Variants in SGCZ observed in about 807,000 individuals in gnomAD.
SGCZ encodes the protein sarcoglycan zeta.
Under a neutral mutation model 41.3 loss-of-function variants are expected in SGCZ, and 40 were observed. The ratio of observed to expected loss-of-function variants is 0.97; its 90% CI spans 0.75 to 1.26. The LOEUF is 1.26. Ranked by LOEUF, SGCZ falls within the 50% of genes most tolerant of loss-of-function variation. The probability of loss-of-function intolerance (pLI) is 0.00; values close to 1 mark genes in which losing one functional copy is unlikely to be tolerated. For synonymous variants in SGCZ, 206 were observed against 137.5 expected, an observed-to-expected ratio of 1.50 and a Z score of -3.49; for missense variants, 552 against 369.8, an observed-to-expected ratio of 1.49 and a Z score of -4.04.
At chr8:14,263,226 G>A (rs1413932111) in intron 3 of SGCZ, among the ~76,000 whole-genome samples, 3 of 152,146 alleles carry the variant, frequency 2.0e-5, no homozygotes, top group Non-Finnish European at 2.9e-5. Context: ...TAAAAATGAA[G>A]CAGGACACAG....
Position 14,872,591 on chromosome 8 carries a change from T to A in SGCZ, c.40-317665A>T, listed in dbSNP as rs1435028687. 3.3e-5 allele frequency among the ~76,000 whole-genome samples: 5 copies of A among 152,058 alleles called. No homozygotes were observed. The East Asian group carries it at 9.7e-4, about 30-fold the overall frequency. On this transcript the variant is annotated intron_variant, in intron 1 of 7. Transcript: ENST00000382080. ...TTATGAGCAGAATGCAATTTAAAAA[T>A]TGATAGGAAGTTCTTTAAACCACAC...
intron 2 of SGCZ, among the ~76,000 whole-genome samples, chr8:14,369,021 ATGTGTGTGTGTGTGTGTGTG>A (rs10655274): frequency 2.1e-5 from 3 of 145,418 alleles, no homozygotes; most frequent in Non-Finnish European, 1.5e-5. Flanking sequence ...GCAAATGTAA[ATGTGTGTGTGTGTGTGTGTG>A]TGTGTGTGTG....
chr8:14,607,837 T>A (rs1805801831), intron 1 of SGCZ, among the ~76,000 whole-genome samples: 1 of 152,188 alleles, frequency 6.6e-6, no homozygotes, highest in Admixed American at 6.5e-5. Flanking sequence ...CAGTGTAATC[T>A]CATTAATATA....
intron 2 of SGCZ, among the ~76,000 whole-genome samples, chr8:14,498,479 T>C (rs980614516): frequency 2.0e-5 from 3 of 152,080 alleles, no homozygotes; most frequent in African/African-American, 7.2e-5. Flanking sequence ...ACAGAAAACA[T>C]TATTTTTGCT....
At chr8:14,892,762 T>A (rs1805061086) in intron 1 of SGCZ, among the ~76,000 whole-genome samples, 1 of 152,138 alleles carries the variant, frequency 6.6e-6, no homozygotes, top group Non-Finnish European at 1.5e-5. Context: ...ATTAAATAAT[T>A]AATTTCCATG....
chr8:14,117,371 T>G (rs1802554521), intron 5 of SGCZ, among the ~76,000 whole-genome samples: 1 of 132,992 alleles, frequency 7.5e-6, no homozygotes, highest in African/African-American at 2.7e-5. Context: ...TTTTTTTTTT[T>G]GAGAAAGCTT....
chr8:14,520,529 G>C (rs1414842776), intron 2 of SGCZ, among the ~76,000 whole-genome samples: 3 of 151,908 alleles, frequency 2.0e-5, no homozygotes, highest in Non-Finnish European at 4.4e-5. Flanking sequence ...ATTCTGCAAG[G>C]GAAATAATAT....
Position 14,580,226 on chromosome 8 carries a change from A to T in SGCZ, c.40-25300T>A, listed in dbSNP as rs1379288223. Among the ~76,000 whole-genome samples the T allele has an allele frequency of 4.6e-5, 7 of 152,340 alleles. No individual in the cohort carries two copies. The East Asian group carries it at 1.2e-3, about 25-fold the overall frequency. On this transcript the variant is annotated intron_variant, in intron 1 of 7. Transcript: ENST00000382080. ...CAGTAGAACAGGAATACACAGAGCT[A>T]TTACTTTTGAAACTAGGAATCTTAG...
At chr8:14,173,378 G>C (rs1027466677) in intron 4 of SGCZ, among the ~76,000 whole-genome samples, 3 of 151,936 alleles carry the variant, frequency 2.0e-5, no homozygotes, top group South Asian at 2.1e-4. Context: ...ATGAACAGAA[G>C]ATGAATCCTA....
chr8:15,010,335 T>G (rs79933861), intron 1 of SGCZ, among the ~76,000 whole-genome samples: 1 of 152,222 alleles, frequency 6.6e-6, no homozygotes, highest in Non-Finnish European at 1.5e-5. Flanking sequence ...ACAAAAGATA[T>G]AATTCTACCT....
chr8:14,808,210 C>G (rs1801614477), intron 1 of SGCZ, among the ~76,000 whole-genome samples: 1 of 152,230 alleles, frequency 6.6e-6, no homozygotes, highest in Admixed American at 6.5e-5. Flanking sequence ...GCAATGGCAA[C>G]AAAAGACAAA....
intron 6 of SGCZ, among the ~76,000 whole-genome samples, chr8:14,105,575 A>C (rs184986975): frequency 6.6e-6 from 1 of 152,140 alleles, no homozygotes; most frequent in African/African-American, 2.4e-5. Context: ...TATACAAATA[A>C]ATAATTGAAT....
chr8:14,823,236 A>T (rs1286203255), intron 1 of SGCZ, among the ~76,000 whole-genome samples: 1 of 151,988 alleles, frequency 6.6e-6, no homozygotes, highest in African/African-American at 2.4e-5. Context: ...AAACAGAATT[A>T]CATCAAACAA....
chr8:14,925,883 A>T (rs187737004), intron 1 of SGCZ, among the ~76,000 whole-genome samples: 1 of 152,196 alleles, frequency 6.6e-6, no homozygotes. Context: ...AATGCATAAA[A>T]GGAAGCCTAC....
At chr8:15,215,435 C>T (rs891629070) in intron 1 of SGCZ, among the ~76,000 whole-genome samples, 1 of 152,152 alleles carries the variant, frequency 6.6e-6, no homozygotes, top group African/African-American at 2.4e-5. Context: ...CACTGTTTTA[C>T]TTCCTTCGGG....
rs576026429 is a variant in SGCZ, at chr8:15,180,542, T to A, written c.39+57043A>T. 2.6e-5 allele frequency among the ~76,000 whole-genome samples: 4 copies of A among 151,450 alleles called. No individual in the cohort carries two copies. The South Asian group carries it at 8.3e-4, about 32-fold the overall frequency. On this transcript the variant is annotated intron_variant, in intron 1 of 7. Transcript: ENST00000382080. ...AACAATACTCATTCTAATCTACATA[T>A]GAAGGGGTCACAAATTTAGCACTGA...
At position 14,632,786 on chromosome 8, in the gene SGCZ, G is replaced by T. The variant is rs376041037; in HGVS notation, c.40-77860C>A. Among the ~76,000 whole-genome samples the T allele has an allele frequency of 3.6e-4, 55 of 152,052 alleles. 1 individual carries two copies. In the South Asian group the frequency reaches 0.011, roughly 29 times the overall value. ...ATTGATTTAAAGTCAAAGTAAACGG[G>T]TCATCCTATAAGATAAAGGGGAGAA... On this transcript the variant is annotated intron_variant, in intron 1 of 7. Transcript: ENST00000382080.
At chr8:14,387,364 C>T (rs1465513340) in intron 2 of SGCZ, among the ~76,000 whole-genome samples, 2 of 152,082 alleles carry the variant, frequency 1.3e-5, no homozygotes, top group Non-Finnish European at 2.9e-5. Flanking sequence ...ATGTATGTTT[C>T]TGAACAAAAA....
At chr8:14,408,285 T>C (rs777862566) in intron 2 of SGCZ, among the ~76,000 whole-genome samples, 3 of 152,164 alleles carry the variant, frequency 2.0e-5, no homozygotes, top group Non-Finnish European at 4.4e-5. Flanking sequence ...ACTGTTTGTT[T>C]AATCCATTTT....
Sources: allele counts gnomAD v4.1 joint callset (sites outside exome capture counted in the v4.1 genomes callset), GRCh38; gene constraint gnomAD v4.1.1; transcripts MANE v1.5; gene names NCBI Gene and HGNC (gene_info 2026-07-23, HGNC 2026-07-21).